Variants in EXOC6 observed in about 807,000 individuals in gnomAD.
EXOC6 encodes the protein exocyst complex component 6, also known as SEC15-like 1.
A neutral mutation model predicts 112.5 loss-of-function variants in EXOC6; 60 were observed. The ratio of observed to expected loss-of-function variants is 0.53; its 90% CI spans 0.43 to 0.66. The LOEUF is 0.66. EXOC6 is among the 30% of genes least tolerant of loss of function. The pLI, the probability that EXOC6 is intolerant of heterozygous loss-of-function variation, is 0.00. For missense variants in EXOC6, 855 were observed against 957.1 expected (o/e 0.89, Z 1.41); for synonymous variants, 295 against 308.0 (o/e 0.96, Z 0.44).
intron 20 of EXOC6, among the ~76,000 whole-genome samples, chr10:93,053,933 C>G (rs1178017985): frequency 1.3e-5 from 2 of 152,224 alleles, no homozygotes; most frequent in Non-Finnish European, 2.9e-5. Context: ...CTGCCCATGT[C>G]CATGTGTAGT....
At chr10:93,026,789 C>G (rs1466819347) in intron 20 of EXOC6, among the ~76,000 whole-genome samples, 2 of 152,178 alleles carry the variant, frequency 1.3e-5, no homozygotes, top group African/African-American at 4.8e-5. Flanking sequence ...GCTCTACCAA[C>G]CAGCTGTTCC....
intron 17 of EXOC6, among the ~76,000 whole-genome samples, chr10:92,955,932 T>A (rs557296652): frequency 6.6e-6 from 1 of 152,156 alleles, no homozygotes; most frequent in Non-Finnish European, 1.5e-5. Flanking sequence ...CTACAGTGTA[T>A]TATGCTTTGT....
Position 92,934,195 on chromosome 10 carries a change from G to A in EXOC6, c.1019+5G>A. On this transcript the variant is annotated splice_donor_5th_base_variant and intron_variant, in intron 10 of 21. Coordinates refer to ENST00000260762, the MANE Select transcript of EXOC6 (RefSeq NM_019053.6). The stretch of plus-strand genomic sequence containing the variant: ...ATATTTCACTCAAATTGTAGGGTAT[G>A]TATCTAATATGGAAATAACTATTAT... The A allele has an allele frequency of 1.3e-6, 2 of 1,541,738 alleles. No homozygotes were observed. Among genetic ancestry groups the A allele is most frequent in the Non-Finnish European group, 1.8e-6 (2 of 1,129,668 alleles).
chr10:92,935,641 T>C (rs1273897712), intron 11 of EXOC6, among the ~76,000 whole-genome samples, 173 bp from the exon 12 acceptor site: 3 of 152,150 alleles, frequency 2.0e-5, no homozygotes, highest in Non-Finnish European at 4.4e-5. Flanking sequence ...TCTAAACGTT[T>C]ATACTGAATA....
At chr10:92,926,525 A>T (rs1851732160) in intron 8 of EXOC6, among the ~76,000 whole-genome samples, 1 of 151,656 alleles carries the variant, frequency 6.6e-6, no homozygotes, top group African/African-American at 2.4e-5. Context: ...GAGAAAAGAA[A>T]AATAAAAAAA....
intron 14 of EXOC6, 146 bp downstream of exon 14, chr10:92,948,525 T>G: frequency 3.6e-6 from 2 of 558,812 alleles, no homozygotes; most frequent in African/African-American, 3.9e-5. Flanking sequence ...AAACTAACTA[T>G]GTTCTGTGAA....
Position 93,058,459 on chromosome 10 carries a change from A to G in EXOC6, c.*104A>G, listed in dbSNP as rs1846647233. 1 of 940,684 alleles carries G rather than the reference A, an allele frequency of 1.1e-6. No homozygotes were observed. Among genetic ancestry groups the G allele is most frequent in the Non-Finnish European group, 1.5e-6 (1 of 668,358 alleles). The allele number at this position is 940,684 out of a possible 1,614,324, so 58.3% of individuals were successfully genotyped here. On this transcript the variant is annotated 3_prime_UTR_variant, in exon 22 of 22. Transcript: ENST00000260762. ...TAATTTGTTTACAGAATCCAAAAAT[A>G]CAATAGAGAAGATACATGAGGGCTT...
intron 18 of EXOC6, among the ~76,000 whole-genome samples, chr10:92,984,999 A>AAAAACAAAACAAAAC (rs372482141): frequency 3.8e-4 from 57 of 151,674 alleles, no homozygotes; most frequent in African/African-American, 1.2e-3. Context: ...ACCTTGTCTC[A>AAAAACAAAACAAAAC]AAAACAAAAC....
intron 1 of EXOC6, among the ~76,000 whole-genome samples, chr10:92,882,643 A>G (rs927983110): frequency 3.3e-5 from 5 of 152,130 alleles, no homozygotes; most frequent in African/African-American, 9.6e-5. Context: ...AAAAGACCCC[A>G]TCTCTCAAAG....
intron 1 of EXOC6, among the ~76,000 whole-genome samples, chr10:92,884,434 C>T (rs1410637750): frequency 6.6e-6 from 1 of 152,172 alleles, no homozygotes; most frequent in Admixed American, 6.5e-5. Flanking sequence ...GGCAATTGCT[C>T]TAGGTACTTT....
intron 1 of EXOC6, among the ~76,000 whole-genome samples, chr10:92,863,010 T>C (rs973054174): frequency 6.6e-6 from 1 of 152,218 alleles, no homozygotes; most frequent in Non-Finnish European, 1.5e-5. Flanking sequence ...AGATACAAGC[T>C]CGACTTAACA....
intron 18 of EXOC6, among the ~76,000 whole-genome samples, chr10:92,984,277 T>C (rs1842923174): frequency 6.6e-6 from 1 of 152,216 alleles, no homozygotes; most frequent in Non-Finnish European, 1.5e-5. Context: ...TGACTTAATA[T>C]TTAAAACATA....
intron 19 of EXOC6, among the ~76,000 whole-genome samples, chr10:93,001,343 G>A (rs1294240825): frequency 2.0e-5 from 3 of 152,106 alleles, no homozygotes; most frequent in African/African-American, 7.2e-5. Context: ...CCAAGTAATT[G>A]TCCAGCCATT....
intron 17 of EXOC6, among the ~76,000 whole-genome samples, chr10:92,964,783 C>G (rs898937349): frequency 1.3e-5 from 2 of 152,148 alleles, no homozygotes; most frequent in African/African-American, 4.8e-5. Context: ...GTAGATGTCA[C>G]CATGGATCCA....
intron 5 of EXOC6, among the ~76,000 whole-genome samples, chr10:92,902,887 C>A (rs1295716251): frequency 6.6e-6 from 1 of 152,008 alleles, no homozygotes; most frequent in Non-Finnish European, 1.5e-5. Context: ...TTTTAAAATT[C>A]GTCTGTGGTT....
intron 1 of EXOC6, among the ~76,000 whole-genome samples, chr10:92,859,793 G>A (rs527980017): frequency 2.7e-5 from 4 of 150,360 alleles, no homozygotes; most frequent in South Asian, 2.1e-4. Flanking sequence ...CTGTCTCTCC[G>A]TCTGTGTGTG....
intron 1 of EXOC6, among the ~76,000 whole-genome samples, chr10:92,863,398 T>C (rs1344152912): frequency 6.6e-6 from 1 of 152,238 alleles, no homozygotes; most frequent in African/African-American, 2.4e-5. Context: ...GTTTCTTGCA[T>C]TTCATTTTTT....
chr10:92,918,635 G>C (rs1317609496), intron 7 of EXOC6, among the ~76,000 whole-genome samples: 1 of 151,978 alleles, frequency 6.6e-6, no homozygotes, highest in Non-Finnish European at 1.5e-5. Flanking sequence ...TGTTGTCCAG[G>C]CTGGTCTTGA....
chr10:92,857,936 GT>G (rs1168738093), intron 1 of EXOC6, among the ~76,000 whole-genome samples: 1 of 144,562 alleles, frequency 6.9e-6, no homozygotes, highest in Non-Finnish European at 1.5e-5. Context: ...TTGTTTGTCT[GT>G]TTTTTTAAAA....
Sources: gnomAD v4.1 joint callset for allele counts (sites outside exome capture counted in the v4.1 genomes callset) on GRCh38, gnomAD v4.1.1 for gene constraint, MANE v1.5 for transcripts, NCBI Gene and HGNC (gene_info 2026-07-23, HGNC 2026-07-21) for gene names.